CCSER1: variants seen among roughly 807,000 people sequenced by gnomAD.
CCSER1 encodes the protein serine-rich coiled-coil domain-containing protein 1.
In CCSER1, 41 loss-of-function variants were observed where a neutral mutation model predicts 82.0. The observed-to-expected ratio is 0.50, with a 90% CI of 0.39 to 0.65. CCSER1 has a LOEUF of 0.65. CCSER1 is among the 30% of genes least tolerant of loss of function. CCSER1 has a pLI of 0.00. For missense variants in CCSER1, 1,119 were observed against 1,064.2 expected (o/e 1.05, Z -0.72); for synonymous variants, 414 against 383.9 (o/e 1.08, Z -0.92).
intron 5 of CCSER1, among the ~76,000 whole-genome samples, chr4:90,525,066 T>G (rs1486492708): frequency 2.6e-5 from 4 of 152,166 alleles, no homozygotes; most frequent in Admixed American, 2.6e-4. Flanking sequence ...TTTTAAGATT[T>G]AGATTCATTC....
intron 8 of CCSER1, 60 bp downstream of exon 8, chr4:90,815,905 C>T (rs542355048): frequency 1.8e-5 from 22 of 1,192,258 alleles, no homozygotes; most frequent in East Asian, 5.2e-5. Context: ...ATTTGTTCCA[C>T]GCCCTTATTT....
intron 3 of CCSER1, among the ~76,000 whole-genome samples, chr4:90,328,351 T>G (rs1386759209): frequency 2.0e-5 from 3 of 151,770 alleles, no homozygotes; most frequent in African/African-American, 4.8e-5. Context: ...TTTTTTTTGA[T>G]GTATATTGCT....
chr4:90,422,584 GTCTC>G (rs140011451), intron 4 of CCSER1, among the ~76,000 whole-genome samples: 2 of 150,608 alleles, frequency 1.3e-5, no homozygotes, highest in Non-Finnish European at 3.0e-5. Context: ...AACAGAGTGA[GTCTC>G]TCTCTCTCTC....
At chr4:90,225,849 T>C (rs940952217) in intron 1 of CCSER1, among the ~76,000 whole-genome samples, 6 of 152,210 alleles carry the variant, frequency 3.9e-5, no homozygotes, top group African/African-American at 1.4e-4. Context: ...CACAGATGCT[T>C]TGCTGCTTCT....
intron 6 of CCSER1, among the ~76,000 whole-genome samples, chr4:90,669,873 G>A (rs1732486479): frequency 6.6e-6 from 1 of 152,092 alleles, no homozygotes; most frequent in South Asian, 2.1e-4. Context: ...TTTTTTAAAT[G>A]AGGATCTTTG....
intron 10 of CCSER1, among the ~76,000 whole-genome samples, chr4:91,537,230 T>G (rs1039971949): frequency 6.6e-6 from 1 of 152,126 alleles, no homozygotes; most frequent in Non-Finnish European, 1.5e-5. Flanking sequence ...GTCAAGTGAC[T>G]GTTCCAAAGT....
intron 10 of CCSER1, among the ~76,000 whole-genome samples, chr4:91,437,775 C>T (rs1754769541): frequency 6.6e-6 from 1 of 152,224 alleles, no homozygotes; most frequent in Non-Finnish European, 1.5e-5. Context: ...TCACTCCCAC[C>T]CTAATACTCC....
intron 10 of CCSER1, among the ~76,000 whole-genome samples, chr4:91,305,011 T>G (rs529246802): frequency 1.3e-5 from 2 of 152,160 alleles, no homozygotes; most frequent in African/African-American, 4.8e-5. Flanking sequence ...CATGCTTGAT[T>G]TACCTTTAAT....
intron 10 of CCSER1, among the ~76,000 whole-genome samples, chr4:91,525,588 C>T (rs2110153707): frequency 6.6e-6 from 1 of 152,232 alleles, no homozygotes; most frequent in African/African-American, 2.4e-5. Context: ...TACTTTTCCT[C>T]TCACGCTTTA....
intron 4 of CCSER1, among the ~76,000 whole-genome samples, chr4:90,440,719 C>A (rs1759749882): frequency 6.6e-6 from 1 of 152,132 alleles, no homozygotes; most frequent in South Asian, 2.1e-4. Context: ...CTTTCCCCAG[C>A]TCAGTTTATC....
At chr4:91,021,628 A>T (rs186192349) in intron 9 of CCSER1, among the ~76,000 whole-genome samples, 466 of 152,300 alleles carry the variant, frequency 3.1e-3, no homozygotes, top group Non-Finnish European at 5.1e-3. Context: ...CCATTAACTT[A>T]GGCTGAACCA....
intron 6 of CCSER1, among the ~76,000 whole-genome samples, chr4:90,639,529 G>C (rs1726096897): frequency 1.3e-5 from 2 of 152,014 alleles, no homozygotes. Context: ...CAGGGTGACA[G>C]ACCAGAATGA....
At chr4:90,336,826 A>G (rs1740497981) in intron 3 of CCSER1, among the ~76,000 whole-genome samples, 1 of 152,206 alleles carries the variant, frequency 6.6e-6, no homozygotes, top group Non-Finnish European at 1.5e-5. Flanking sequence ...TTTGCATACA[A>G]TTTATAATAA....
intron 10 of CCSER1, among the ~76,000 whole-genome samples, chr4:91,276,821 C>T (rs929005565): frequency 6.6e-6 from 1 of 151,770 alleles, no homozygotes; most frequent in Non-Finnish European, 1.5e-5. Flanking sequence ...AGGTATGTTC[C>T]TTTTATGCCT....
At chr4:90,734,413 G>A (rs905793579) in intron 7 of CCSER1, among the ~76,000 whole-genome samples, 1 of 152,052 alleles carries the variant, frequency 6.6e-6, no homozygotes, top group African/African-American at 2.4e-5. Flanking sequence ...GGATAGTATG[G>A]ACATTTTAAC....
intron 7 of CCSER1, among the ~76,000 whole-genome samples, chr4:90,746,709 T>A (rs957769729): frequency 6.6e-6 from 1 of 152,310 alleles, no homozygotes; most frequent in African/African-American, 2.4e-5. Context: ...CCTATTTGGG[T>A]TTATAAATAT....
At chr4:90,812,279 C>T (rs183984330) in intron 7 of CCSER1, among the ~76,000 whole-genome samples, 1 of 152,270 alleles carries the variant, frequency 6.6e-6, no homozygotes, top group East Asian at 1.9e-4. Context: ...CCTTTCCCAG[C>T]TCACTGACTC....
intron 5 of CCSER1, among the ~76,000 whole-genome samples, chr4:90,488,133 T>C (rs1767404954): frequency 6.6e-6 from 1 of 152,142 alleles, no homozygotes; most frequent in Non-Finnish European, 1.5e-5. Flanking sequence ...TTAAAATGAG[T>C]GTCTGGACTA....
At chr4:91,175,573 GTGA>G (rs1413107250) in intron 10 of CCSER1, among the ~76,000 whole-genome samples, 23 of 152,180 alleles carry the variant, frequency 1.5e-4, no homozygotes, top group African/African-American at 5.5e-4. Flanking sequence ...CTGATGGGCA[GTGA>G]TGATGAGCAT....
Sources: gnomAD v4.1 joint callset for allele counts (sites outside exome capture counted in the v4.1 genomes callset) on GRCh38, gnomAD v4.1.1 for gene constraint, MANE v1.5 for transcripts, NCBI Gene and HGNC (gene_info 2026-07-23, HGNC 2026-07-21) for gene names.